The following LRMDA variants were observed in gnomAD, a reference collection of about 807,000 sequenced individuals.
The protein encoded by LRMDA is leucine-rich melanocyte differentiation-associated protein.
In LRMDA, 18 loss-of-function variants were observed where a neutral mutation model predicts 29.8. That is an observed-to-expected ratio of 0.60 (90% confidence interval 0.42 to 0.90). LRMDA has a LOEUF of 0.90. Among genes scored for constraint, LRMDA ranks in the 40% least tolerant of loss-of-function variants. The probability of loss-of-function intolerance (pLI) is 0.00; values close to 1 mark genes in which losing one functional copy is unlikely to be tolerated. For missense variants in LRMDA, 273 were observed against 273.9 expected, an observed-to-expected ratio of 1.00 and a Z score of 0.02; for synonymous variants, 125 against 109.4, an observed-to-expected ratio of 1.14 and a Z score of -0.89.
chr10:75,536,420 A>G (rs532232161), intron 2 of LRMDA, among the ~76,000 whole-genome samples: 3 of 152,082 alleles, frequency 2.0e-5, no homozygotes, highest in African/African-American at 7.2e-5. Context: ...AATCCTAACT[A>G]TGTATATACC....
intron 5 of LRMDA, among the ~76,000 whole-genome samples, chr10:76,255,104 C>T (rs760362044): frequency 6.6e-6 from 1 of 152,152 alleles, no homozygotes; most frequent in Non-Finnish European, 1.5e-5. Flanking sequence ...GCTTTCCCCC[C>T]AGACCTTTTC....
At chr10:76,123,415 G>A (rs994166148) in intron 5 of LRMDA, among the ~76,000 whole-genome samples, 8 of 152,062 alleles carry the variant, frequency 5.3e-5, no homozygotes, top group Non-Finnish European at 1.0e-4. Flanking sequence ...AGACTAAGGT[G>A]GGAGGATCAC....
intron 5 of LRMDA, among the ~76,000 whole-genome samples, chr10:76,139,045 C>T (rs369411669): frequency 5.9e-5 from 9 of 152,164 alleles, no homozygotes; most frequent in East Asian, 1.9e-4. Flanking sequence ...AAAAAGCAAG[C>T]GGAGATAAAC....
At chr10:75,532,514 T>C (rs1845489528) in intron 2 of LRMDA, among the ~76,000 whole-genome samples, 1 of 152,202 alleles carries the variant, frequency 6.6e-6, no homozygotes, top group Non-Finnish European at 1.5e-5. Context: ...CAGGCTCTGC[T>C]TTCTAGGGGC....
intron 5 of LRMDA, among the ~76,000 whole-genome samples, chr10:76,173,113 G>T (rs1850868395): frequency 6.6e-6 from 1 of 152,102 alleles, no homozygotes; most frequent in African/African-American, 2.4e-5. Context: ...GGTGAAAAAT[G>T]CCATGTCTAG....
intron 5 of LRMDA, among the ~76,000 whole-genome samples, chr10:76,093,960 G>T (rs1194911424): frequency 6.6e-6 from 1 of 152,130 alleles, no homozygotes; most frequent in Admixed American, 6.5e-5. Flanking sequence ...CCCTTACCAC[G>T]CTATCCGCCA....
At chr10:76,528,684 A>G (rs1031036813) in intron 6 of LRMDA, among the ~76,000 whole-genome samples, 1 of 152,206 alleles carries the variant, frequency 6.6e-6, no homozygotes, top group Non-Finnish European at 1.5e-5. Flanking sequence ...TTCAGCTACA[A>G]CTAGCCCCAA....
chr10:76,191,298 A>G (rs16932997), intron 5 of LRMDA, among the ~76,000 whole-genome samples: 1 of 152,152 alleles, frequency 6.6e-6, no homozygotes, highest in African/African-American at 2.4e-5. Context: ...GACAGAATAC[A>G]TAGATCCTGG....
At chr10:76,480,693 T>A (rs1842725239) in intron 6 of LRMDA, among the ~76,000 whole-genome samples, 1 of 151,994 alleles carries the variant, frequency 6.6e-6, no homozygotes, top group African/African-American at 2.4e-5. Context: ...AGATTTCTTC[T>A]TCAATGGAAA....
chr10:76,061,690 G>A (rs145933010), intron 5 of LRMDA, among the ~76,000 whole-genome samples: 15 of 152,074 alleles, frequency 9.9e-5, no homozygotes, highest in African/African-American at 3.1e-4. Context: ...GCTGGGAGAG[G>A]GTGTAGTTTC....
rs33976322 is a variant in LRMDA at position 76,237,785 on chromosome 10, C to CTTTTTTT, written c.517-86598_517-86592dup. On this transcript the variant is annotated intron_variant, in intron 5 of 6. Coordinates refer to ENST00000611255, the MANE Select transcript of LRMDA (RefSeq NM_001305581.2). ...CTTTCTATTTAAAGGGACAAGAGTG[C>CTTTTTTT]TTTTTTTTTTTTTTTTTTTTTTTTA... 2.3e-4 allele frequency among the ~76,000 whole-genome samples: 19 copies of CTTTTTTT among 84,116 alleles called. No individual in the cohort carries two copies. The East Asian group carries it at 6.1e-3, about 27-fold the overall frequency. The allele number at this position is 84,116 out of a possible 152,430, so 55.2% of individuals were successfully genotyped here. A position where few individuals can be genotyped will look rare whatever the true frequency, so the allele number is the denominator to read the frequency against.
chr10:75,897,271 T>C (rs1281079252), intron 2 of LRMDA, among the ~76,000 whole-genome samples: 6 of 152,172 alleles, frequency 3.9e-5, no homozygotes, highest in Non-Finnish European at 8.8e-5. Context: ...GAACCAAAGG[T>C]TAAGTTCAAG....
chr10:76,104,482 A>G (rs760823782), intron 5 of LRMDA, among the ~76,000 whole-genome samples: 1 of 150,568 alleles, frequency 6.6e-6, no homozygotes, highest in Non-Finnish European at 1.5e-5. Flanking sequence ...ATAGCCTTTC[A>G]TGCCAGGCTG....
intron 2 of LRMDA, among the ~76,000 whole-genome samples, chr10:75,804,715 C>T (rs1302379108): frequency 2.0e-5 from 3 of 152,210 alleles, no homozygotes; most frequent in African/African-American, 7.2e-5. Flanking sequence ...CAGACAGGGG[C>T]TGTTCATAGA....
chr10:75,991,299 G>T (rs375935701), intron 2 of LRMDA, among the ~76,000 whole-genome samples: 1 of 152,024 alleles, frequency 6.6e-6, no homozygotes, highest in Non-Finnish European at 1.5e-5. Context: ...TAAAAAATAC[G>T]GTCTCAGAAT....
At chr10:76,538,126 T>C (rs1843310263) in intron 6 of LRMDA, among the ~76,000 whole-genome samples, 1 of 152,172 alleles carries the variant, frequency 6.6e-6, no homozygotes, top group Non-Finnish European at 1.5e-5. Context: ...TTTTTTCTGT[T>C]TGTATTCAGA....
At chr10:75,768,917 G>A (rs1168616622) in intron 2 of LRMDA, among the ~76,000 whole-genome samples, 4 of 152,156 alleles carry the variant, frequency 2.6e-5, no homozygotes, top group Admixed American at 2.6e-4. Context: ...TCCTGTTTCA[G>A]ACATCTAGCT....
chr10:75,854,261 A>T (rs2132314177), intron 2 of LRMDA, among the ~76,000 whole-genome samples: 1 of 152,244 alleles, frequency 6.6e-6, no homozygotes, highest in Non-Finnish European at 1.5e-5. Context: ...TTTATTGCTC[A>T]AGGTTTCTGG....
intron 2 of LRMDA, among the ~76,000 whole-genome samples, chr10:75,968,376 A>G (rs367849832): frequency 2.6e-5 from 4 of 152,178 alleles, no homozygotes; most frequent in African/African-American, 7.2e-5. Context: ...AGACCAGCCC[A>G]TCTTTCACCA....
Sources: gnomAD v4.1 joint callset for allele counts (sites outside exome capture counted in the v4.1 genomes callset) on GRCh38, gnomAD v4.1.1 for gene constraint, MANE v1.5 for transcripts, NCBI Gene and HGNC (gene_info 2026-07-23, HGNC 2026-07-21) for gene names.